Variants in DDX10 observed in about 807,000 individuals in gnomAD.
DDX10 encodes probable ATP-dependent RNA helicase DDX10.
DDX10 carries 74 observed loss-of-function variants against 104.3 expected under a neutral mutation model. The observed-to-expected ratio is 0.71, with a 90% CI of 0.59 to 0.86. The LOEUF is 0.86. DDX10 is among the 40% of genes least tolerant of loss of function. The probability of loss-of-function intolerance (pLI) is 0.00; values close to 1 mark genes in which losing one functional copy is unlikely to be tolerated. For synonymous variants in DDX10, 351 were observed against 353.4 expected (o/e 0.99, Z 0.08); for missense variants, 952 against 1,040.0 (o/e 0.92, Z 1.16).
At chr11:108,849,923 C>T (rs1045486018) in intron 15 of DDX10, among the ~76,000 whole-genome samples, 2 of 152,032 alleles carry the variant, frequency 1.3e-5, no homozygotes, top group Admixed American at 1.3e-4. Context: ...TTCCTACTCC[C>T]ACAAAGAATA....
intron 13 of DDX10, among the ~76,000 whole-genome samples, chr11:108,829,283 A>G (rs905540923): frequency 3.7e-4 from 56 of 152,238 alleles, no homozygotes; most frequent in Non-Finnish European, 4.4e-4. Context: ...TTTTTTGATT[A>G]TGGCCATTGC....
intron 9 of DDX10, among the ~76,000 whole-genome samples, chr11:108,700,588 G>A (rs560560557): frequency 6.6e-6 from 1 of 152,314 alleles, no homozygotes; most frequent in South Asian, 2.1e-4. Flanking sequence ...AGACGAACTA[G>A]TATATGCATT....
At chr11:108,678,459 T>TAAAA in intron 5 of DDX10, 24 bp downstream of exon 5, 1 of 1,191,948 alleles carries the variant, frequency 8.4e-7, no homozygotes, top group South Asian at 1.6e-5. Flanking sequence ...ATTTCTAATT[T>TAAAA]AAAAAAAAAA....
In DDX10 at chr11:108,784,779, A is replaced by G. The variant is rs1055291560; in HGVS notation, c.1966-53667A>G. Among the ~76,000 whole-genome samples, 4 of 152,116 alleles carry G rather than the reference A, an allele frequency of 2.6e-5. No individual in the cohort carries two copies. In the East Asian group the frequency reaches 7.7e-4, roughly 29 times the overall value. On this transcript the variant is annotated intron_variant, in intron 13 of 17. Transcript: ENST00000322536. ...AAATTATTTGCCAAAGCCAGTGTCA[A>G]GCAGGGTATTTTCTAGGTTATCTTC...
At chr11:108,787,863 G>C (rs921001459) in intron 13 of DDX10, among the ~76,000 whole-genome samples, 1 of 152,168 alleles carries the variant, frequency 6.6e-6, no homozygotes, top group South Asian at 2.1e-4. Context: ...CTGGGAGGTG[G>C]AGGCTGCGGT....
intron 17 of DDX10, chr11:108,919,009 A>G (rs1033026939): frequency 2.0e-5 from 3 of 152,244 alleles, no homozygotes; most frequent in Non-Finnish European, 4.4e-5. Flanking sequence ...ATAGAGAGCT[A>G]TAATTTGTTT....
chr11:108,735,496 C>T (rs1159113221), intron 13 of DDX10, among the ~76,000 whole-genome samples: 1 of 152,006 alleles, frequency 6.6e-6, no homozygotes, highest in Admixed American at 6.6e-5. Flanking sequence ...CAGAGGTGGT[C>T]ACCATGGAGG....
At chr11:108,911,233 A>G (rs1863673339) in intron 16 of DDX10, among the ~76,000 whole-genome samples, 2 of 152,204 alleles carry the variant, frequency 1.3e-5, no homozygotes, top group Admixed American at 1.3e-4. Context: ...GTGCTAAATA[A>G]AGATTTGTTG....
At chr11:108,707,017 T>G (rs2094277095) in intron 10 of DDX10, among the ~76,000 whole-genome samples, 180 bp downstream of exon 10, 7 of 152,196 alleles carry the variant, frequency 4.6e-5, no homozygotes, top group Admixed American at 4.6e-4. Context: ...GGAAGATAGA[T>G]TTCTCATATA....
chr11:108,832,769 T>C (rs1356041238), intron 13 of DDX10, among the ~76,000 whole-genome samples: 1 of 152,236 alleles, frequency 6.6e-6, no homozygotes, highest in Non-Finnish European at 1.5e-5. Context: ...CTATACATAC[T>C]CTTTGAGCAC....
chr11:108,788,117 A>G (rs1280275947), intron 13 of DDX10, among the ~76,000 whole-genome samples: 1 of 152,070 alleles, frequency 6.6e-6, no homozygotes, highest in Non-Finnish European at 1.5e-5. Context: ...CAGATTCTGA[A>G]TTCTTTGTCT....
intron 17 of DDX10, among the ~76,000 whole-genome samples, chr11:108,930,976 G>A (rs1255033308): frequency 1.3e-5 from 2 of 152,118 alleles, no homozygotes; most frequent in East Asian, 1.9e-4. Context: ...GCTTGCTGAG[G>A]ACCTTAACCT....
intron 13 of DDX10, among the ~76,000 whole-genome samples, chr11:108,786,484 T>C (rs1319125833): frequency 6.6e-6 from 1 of 152,148 alleles, no homozygotes; most frequent in Admixed American, 6.6e-5. Flanking sequence ...ATAATGGCGG[T>C]GTAAGTGTTT....
intron 15 of DDX10, among the ~76,000 whole-genome samples, chr11:108,841,714 A>G (rs1167524088): frequency 6.6e-6 from 1 of 152,122 alleles, no homozygotes; most frequent in East Asian, 1.9e-4. Context: ...GATCTAAATA[A>G]TATTAGTGGA....
At chr11:108,914,087 A>C (rs552779766) in intron 16 of DDX10, among the ~76,000 whole-genome samples, 23 of 152,340 alleles carry the variant, frequency 1.5e-4, no homozygotes, top group Admixed American at 1.5e-3. Flanking sequence ...ATAGCATTTT[A>C]TCCATTTGAA....
chr11:108,795,332 G>A (rs1261304650), intron 13 of DDX10, among the ~76,000 whole-genome samples: 1 of 140,936 alleles, frequency 7.1e-6, no homozygotes, highest in Admixed American at 7.2e-5. Flanking sequence ...TATACTTTAA[G>A]TTCTAGGGTA....
intron 5 of DDX10, among the ~76,000 whole-genome samples, chr11:108,678,870 A>ATTTTTTT (rs769948315): frequency 1.1e-5 from 1 of 92,710 alleles, no homozygotes; most frequent in Non-Finnish European, 1.9e-5. Flanking sequence ...GTTTCCCCTA[A>ATTTTTTT]TTTTTTTTTT....
intron 13 of DDX10, among the ~76,000 whole-genome samples, chr11:108,809,857 C>G (rs1565285740): frequency 1.3e-5 from 2 of 152,142 alleles, no homozygotes; most frequent in Non-Finnish European, 2.9e-5. Context: ...TTGGCTTAGT[C>G]TCATCTTTGG....
At chr11:108,923,873 G>A (rs1334111490) in intron 17 of DDX10, among the ~76,000 whole-genome samples, 1 of 152,184 alleles carries the variant, frequency 6.6e-6, no homozygotes, top group Non-Finnish European at 1.5e-5. Context: ...AGAGGGGAGG[G>A]TAAATTGCAC....
Sources: gnomAD v4.1 joint callset for allele counts (sites outside exome capture counted in the v4.1 genomes callset) on GRCh38, gnomAD v4.1.1 for gene constraint, MANE v1.5 for transcripts, NCBI Gene and HGNC (gene_info 2026-07-23, HGNC 2026-07-21) for gene names.